The following FEZ2 variants were observed in gnomAD, a reference collection of about 807,000 sequenced individuals.
FEZ2 encodes fasciculation and elongation protein zeta 2.
FEZ2 carries 51 observed loss-of-function variants against 40.4 expected under a neutral mutation model. The observed-to-expected ratio is 1.26, with a 90% confidence interval of 1.01 to 1.59. The LOEUF (loss-of-function observed/expected upper bound fraction) is 1.59, where lower values mean the gene tolerates loss of function less well. FEZ2 is among the 40% of genes most tolerant of loss of function. The pLI, the probability that FEZ2 is intolerant of heterozygous loss-of-function variation, is 0.00. For synonymous variants in FEZ2, 242 were observed against 172.0 expected, an observed-to-expected ratio of 1.41 and a Z score of -3.18; for missense variants, 640 against 438.3, an observed-to-expected ratio of 1.46 and a Z score of -4.11.
At chr2:36,589,710 C>T (rs1669009031) in intron 2 of FEZ2, 1 of 152,148 alleles carries the variant, frequency 6.6e-6, no homozygotes, top group African/African-American at 2.4e-5. Flanking sequence ...AGGAAGATTT[C>T]CATAGCTACT....
chr2:36,560,100 A>G (rs1461944962), intron 5 of FEZ2, among the ~76,000 whole-genome samples: 1 of 152,222 alleles, frequency 6.6e-6, no homozygotes, highest in Non-Finnish European at 1.5e-5. Flanking sequence ...CATATAGTGA[A>G]AGGTAATTTT....
At chr2:36,583,768 T>G (rs565957311) in intron 2 of FEZ2, among the ~76,000 whole-genome samples, 1 of 152,164 alleles carries the variant, frequency 6.6e-6, no homozygotes, top group South Asian at 2.1e-4. Flanking sequence ...TTACAGTGAA[T>G]AGAAGGGAGA....
chr2:36,576,923 G>C (rs1042112645), intron 5 of FEZ2, among the ~76,000 whole-genome samples: 1 of 152,136 alleles, frequency 6.6e-6, no homozygotes, highest in African/African-American at 2.4e-5. Flanking sequence ...GCAATAAATG[G>C]AGGATTTACA....
intron 2 of FEZ2, among the ~76,000 whole-genome samples, chr2:36,589,381 C>T (rs941317163): frequency 6.6e-6 from 1 of 152,178 alleles, no homozygotes; most frequent in Non-Finnish European, 1.5e-5. Flanking sequence ...GTTTTCCTTC[C>T]GTGCAGGAAT....
chr2:36,591,052 C>A (rs1270274703), intron 1 of FEZ2, 41 bp from the exon 2 acceptor site: 2 of 1,201,202 alleles, frequency 1.7e-6, no homozygotes, highest in Admixed American at 3.5e-5. Context: ...AATTAACATT[C>A]TGTATGTCTT....
intron 5 of FEZ2, among the ~76,000 whole-genome samples, chr2:36,563,800 T>C (rs1668157807): frequency 6.6e-6 from 1 of 152,198 alleles, no homozygotes; most frequent in South Asian, 2.1e-4. Context: ...CTCTGAGACA[T>C]CCAGGAATCC....
chr2:36,583,554 A>C (rs756967974), intron 2 of FEZ2, 85 bp from the exon 3 acceptor site: 4 of 730,476 alleles, frequency 5.5e-6, no homozygotes, highest in South Asian at 4.6e-5. Context: ...GGCTGCAGAG[A>C]AAAGCAACTA....
chr2:36,590,923 G>C lies in FEZ2; in HGVS notation c.355C>G (p.Leu119Val), dbSNP rs1383102111. ...CTTACCCCTTTTTCTGAGAGGTTCAGAGTAAGCAAGTGCAAGGTCCTAGTA... is the reference window on the plus strand; with the variant it reads ...CTTACCCCTTTTTCTGAGAGGTTCACAGTAAGCAAGTGCAAGGTCCTAGTA... ...SHTRTLHLLT[L>V]NLSEKGVSDS... Residue 119 changes from leucine (L) to valine (V), a missense_variant, in exon 2 of 8, where the codon CTG becomes GTG. Coordinates refer to ENST00000405912, the MANE Select transcript of FEZ2 (RefSeq NM_005102.3). The C allele has an allele frequency of 6.2e-7, 1 of 1,606,086 alleles. No individual in the cohort carries two copies. Among genetic ancestry groups the C allele is most frequent in the East Asian group, 2.2e-5 (1 of 44,854 alleles).
intron 5 of FEZ2, among the ~76,000 whole-genome samples, chr2:36,564,924 G>A (rs941479964): frequency 8.5e-5 from 13 of 152,216 alleles, no homozygotes; most frequent in Admixed American, 7.2e-4. Context: ...GTGCCAATGT[G>A]TTGCAATGGC....
rs1020081383 is a variant in FEZ2 at position 36,597,906 on chromosome 2, G to A, written c.237C>T (p.Ile79=). 1.8e-5 allele frequency: 26 copies of A among 1,409,448 alleles called. No homozygotes were observed. The highest frequency in any genetic ancestry group is 2.2e-5 in the Non-Finnish European group (24 of 1,089,662). The allele number at this position is 1,409,448 out of a possible 1,614,324, so 87.3% of individuals were successfully genotyped here. The part of the protein sequence containing the change: ...AEPPRTAVRP[I]TERSLLQGDE... ...CCCCCTGCAGGAGGCTGCGCTCCGT[G>A]ATGGGCCGCACGGCCGTCCTCGGGG... Residue 79 remains isoleucine (I), a synonymous_variant, in exon 1 of 8, where the codon ATC becomes ATT. Coordinates refer to ENST00000405912, the MANE Select transcript of FEZ2 (RefSeq NM_005102.3).
In FEZ2 at chr2:36,586,755, A is replaced by G. The variant is rs576455672; in HGVS notation, c.376-3286T>C. ...CAGGACATCAAGACCACCCTGAGCA[A>G]CACAGGAAGACCTCGTCTCTACAGA... On this transcript the variant is annotated intron_variant, in intron 2 of 7. Coordinates refer to ENST00000405912, the MANE Select transcript of FEZ2 (RefSeq NM_005102.3). 7.2e-5 allele frequency among the ~76,000 whole-genome samples: 11 copies of G among 152,324 alleles called. No individual in the cohort carries two copies. In the South Asian group the frequency reaches 1.7e-3, roughly 23 times the overall value.
chr2:36,590,494 C>A, intron 2 of FEZ2: 1 of 160,300 alleles, frequency 6.2e-6, no homozygotes, highest in Admixed American at 6.4e-5. Context: ...ACAGCGAAAC[C>A]CTGTCTCTAC....
At chr2:36,572,603 A>G (rs1234328036) in intron 5 of FEZ2, among the ~76,000 whole-genome samples, 1 of 152,230 alleles carries the variant, frequency 6.6e-6, no homozygotes, top group African/African-American at 2.4e-5. Flanking sequence ...TACAGATGAT[A>G]TATAAATGAA....
Position 36,552,286 on chromosome 2 carries a change from G to A in FEZ2, c.*877C>T, listed in dbSNP as rs1667831657. ...TTACTTCTTAAAAAATTTATTAAAT[G>A]CCATTGATTTGACTGGAACCAGCAA... On this transcript the variant is annotated 3_prime_UTR_variant, in exon 8 of 8. Coordinates refer to ENST00000405912, the MANE Select transcript of FEZ2 (RefSeq NM_005102.3). 4.5e-6 allele frequency: 2 copies of A among 442,184 alleles called. No homozygotes were observed. The highest frequency in any genetic ancestry group is 2.1e-5 in the African/African-American group (1 of 48,538). The allele number at this position is 442,184 out of a possible 1,614,324, so 27.4% of individuals were successfully genotyped here. A position where few individuals can be genotyped will look rare whatever the true frequency, so the allele number is the denominator to read the frequency against.
chr2:36,575,574 G>A (rs768151802), intron 5 of FEZ2, among the ~76,000 whole-genome samples: 3 of 152,088 alleles, frequency 2.0e-5, no homozygotes, highest in Non-Finnish European at 4.4e-5. Context: ...CCAACATACA[G>A]CATTATGGTT....
intron 5 of FEZ2, among the ~76,000 whole-genome samples, chr2:36,562,453 A>C (rs1446298284): frequency 2.0e-5 from 3 of 152,134 alleles, no homozygotes; most frequent in Non-Finnish European, 4.4e-5. Flanking sequence ...TGAGTTCCAA[A>C]TTTTACTACC....
At chr2:36,596,595 G>C (rs1011113243) in intron 1 of FEZ2, among the ~76,000 whole-genome samples, 1 of 152,002 alleles carries the variant, frequency 6.6e-6, no homozygotes, top group African/African-American at 2.4e-5. Context: ...AGCTGGGTCC[G>C]TGGGACCACG....
intron 5 of FEZ2, among the ~76,000 whole-genome samples, chr2:36,576,444 A>T (rs1001377838): frequency 4.0e-5 from 6 of 151,844 alleles, no homozygotes; most frequent in Non-Finnish European, 8.8e-5. Context: ...TAATTTTTGT[A>T]TTTTTTAGTA....
In FEZ2 at chr2:36,553,143, C is replaced by A; in HGVS notation, c.*20G>T. ...TGTCGGAAATCTAGCTTGGAGCCCA[C>A]CGCAGATAAAGTTGCTGCTCTATGT... is the stretch of plus-strand genomic sequence containing the variant. On this transcript the variant is annotated 3_prime_UTR_variant, in exon 8 of 8. Transcript: ENST00000405912. 1 of 1,563,680 alleles carries A rather than the reference C, an allele frequency of 6.4e-7. No homozygotes were observed.
Sources: allele counts gnomAD v4.1 joint callset (sites outside exome capture counted in the v4.1 genomes callset), GRCh38; gene constraint gnomAD v4.1.1; transcripts MANE v1.5; gene names NCBI Gene and HGNC (gene_info 2026-07-23, HGNC 2026-07-21).